Variants in FSTL5 observed in about 807,000 individuals in gnomAD.
The protein encoded by FSTL5 is follistatin-related protein 5.
FSTL5 carries 62 observed loss-of-function variants against 89.1 expected under a neutral mutation model. That is an observed-to-expected ratio of 0.70 (90% CI 0.57 to 0.86). The LOEUF (loss-of-function observed/expected upper bound fraction) is 0.86, where lower values mean the gene tolerates loss of function less well. FSTL5 is among the 40% of genes least tolerant of loss of function. The pLI, the probability that FSTL5 is intolerant of heterozygous loss-of-function variation, is 0.00. For missense variants in FSTL5, 1,057 were observed against 1,001.6 expected (o/e 1.06, Z -0.75); for synonymous variants, 383 against 346.2 (o/e 1.11, Z -1.18).
At chr4:161,953,903 G>A (rs1046294073) in intron 3 of FSTL5, among the ~76,000 whole-genome samples, 3 of 151,470 alleles carry the variant, frequency 2.0e-5, no homozygotes, top group South Asian at 2.1e-4. Context: ...AATTGGTTTT[G>A]CCAAAGAGTA....
chr4:161,966,656 C>T (rs1046194393), intron 3 of FSTL5, among the ~76,000 whole-genome samples: 1 of 152,078 alleles, frequency 6.6e-6, no homozygotes, highest in Non-Finnish European at 1.5e-5. Context: ...ACATGGCCAT[C>T]TGTTAAGCAA....
intron 3 of FSTL5, among the ~76,000 whole-genome samples, chr4:162,016,609 T>C (rs1451821716): frequency 6.6e-6 from 1 of 152,148 alleles, no homozygotes; most frequent in East Asian, 1.9e-4. Flanking sequence ...TTAACTTACG[T>C]GGGGATTTAG....
intron 13 of FSTL5, among the ~76,000 whole-genome samples, chr4:161,478,408 C>T (rs1378929044): frequency 6.6e-6 from 1 of 152,010 alleles, no homozygotes; most frequent in Non-Finnish European, 1.5e-5. Flanking sequence ...ATGTATATGT[C>T]TAAAGACACC....
chr4:161,411,616 C>T (rs1158661159), intron 15 of FSTL5, among the ~76,000 whole-genome samples: 2 of 152,124 alleles, frequency 1.3e-5, no homozygotes, highest in African/African-American at 4.8e-5. Context: ...GCAGAGGAAG[C>T]TTTCAATAAG....
intron 15 of FSTL5, among the ~76,000 whole-genome samples, chr4:161,435,151 T>G (rs572139300): frequency 6.6e-6 from 1 of 152,268 alleles, no homozygotes; most frequent in South Asian, 2.1e-4. Flanking sequence ...CTGTTCACAA[T>G]AACCAAGATT....
At chr4:161,450,217 A>G (rs1733113221) in intron 15 of FSTL5, among the ~76,000 whole-genome samples, 1 of 152,196 alleles carries the variant, frequency 6.6e-6, no homozygotes, top group African/African-American at 2.4e-5. Context: ...CCTTTCTAGA[A>G]TCTTTACATA....
At chr4:161,883,036 C>T (rs1251110165) in intron 4 of FSTL5, among the ~76,000 whole-genome samples, 1 of 152,146 alleles carries the variant, frequency 6.6e-6, no homozygotes, top group East Asian at 1.9e-4. Context: ...ATGTATATCT[C>T]ATCTAATTCT....
intron 1 of FSTL5, among the ~76,000 whole-genome samples, chr4:162,142,307 T>A (rs978267618): frequency 2.6e-5 from 4 of 152,144 alleles, no homozygotes; most frequent in Non-Finnish European, 5.9e-5. Context: ...CTATGGCCAA[T>A]CATCTAATAG....
chr4:162,094,047 T>G (rs1730654800), intron 2 of FSTL5, among the ~76,000 whole-genome samples: 1 of 152,146 alleles, frequency 6.6e-6, no homozygotes, highest in Non-Finnish European at 1.5e-5. Context: ...TGATATATTT[T>G]ATAAAAACAA....
intron 3 of FSTL5, among the ~76,000 whole-genome samples, chr4:161,987,177 A>G (rs1735986038): frequency 6.6e-6 from 1 of 152,088 alleles, no homozygotes; most frequent in Non-Finnish European, 1.5e-5. Context: ...TGGGGAGGAT[A>G]TCAGATTTTA....
chr4:162,030,084 A>T lies in FSTL5; in HGVS notation c.160+3541T>A, dbSNP rs114034119. Among the ~76,000 whole-genome samples the T allele has an allele frequency of 6.9e-3, 1,052 of 151,634 alleles. 14 individuals carry two copies. The highest frequency in any genetic ancestry group is 0.024 in the African/African-American group (978 of 41,368). ...TGGCTAATTTTTTATTTATTTATTT[A>T]TTTTTTTACTAGAGATTGGTTTTCA... On this transcript the variant is annotated intron_variant, in intron 3 of 15. Transcript: ENST00000306100.
At chr4:161,930,701 C>G (rs904690458) in intron 3 of FSTL5, among the ~76,000 whole-genome samples, 1 of 151,760 alleles carries the variant, frequency 6.6e-6, no homozygotes, top group Admixed American at 6.6e-5. Context: ...TATCTATGCT[C>G]GTAAACTCAT....
intron 6 of FSTL5, among the ~76,000 whole-genome samples, chr4:161,693,475 T>C (rs560246007): frequency 6.6e-6 from 1 of 152,212 alleles, no homozygotes; most frequent in South Asian, 2.1e-4. Flanking sequence ...TTGGTAGATT[T>C]ATGATAACTG....
At chr4:161,598,081 C>T (rs1212194327) in intron 7 of FSTL5, among the ~76,000 whole-genome samples, 1 of 152,046 alleles carries the variant, frequency 6.6e-6, no homozygotes, top group Non-Finnish European at 1.5e-5. Flanking sequence ...TAATAAAAAT[C>T]AACTTGTTGG....
At chr4:161,528,019 A>C (rs1284271517) in intron 10 of FSTL5, among the ~76,000 whole-genome samples, 1 of 151,374 alleles carries the variant, frequency 6.6e-6, no homozygotes, top group Admixed American at 6.6e-5. Context: ...ATTGGAAATC[A>C]TCACTCTCAG....
intron 4 of FSTL5, among the ~76,000 whole-genome samples, chr4:161,897,451 A>G (rs953476338): frequency 7.9e-5 from 12 of 151,432 alleles, no homozygotes; most frequent in African/African-American, 2.9e-4. Flanking sequence ...TTATAGAAAA[A>G]TATGAGCAGA....
chr4:161,973,305 C>A (rs1423890900), intron 3 of FSTL5, among the ~76,000 whole-genome samples: 2 of 152,132 alleles, frequency 1.3e-5, no homozygotes, highest in Non-Finnish European at 2.9e-5. Flanking sequence ...GTAAATATTG[C>A]TGAGCTCTAT....
chr4:161,767,402 G>GT (rs1265724460), intron 5 of FSTL5, among the ~76,000 whole-genome samples: 2 of 152,222 alleles, frequency 1.3e-5, no homozygotes, highest in East Asian at 3.9e-4. Context: ...TTCTTTACAC[G>GT]TTTGTCGAGG....
intron 4 of FSTL5, among the ~76,000 whole-genome samples, chr4:161,858,886 T>C (rs1282333183): frequency 1.3e-5 from 2 of 152,216 alleles, no homozygotes; most frequent in African/African-American, 2.4e-5. Context: ...TTATGTATCT[T>C]GCATTCTCTG....
Sources: allele counts gnomAD v4.1 joint callset (sites outside exome capture counted in the v4.1 genomes callset), GRCh38; gene constraint gnomAD v4.1.1; transcripts MANE v1.5; gene names NCBI Gene and HGNC (gene_info 2026-07-23, HGNC 2026-07-21).